Variants in TIGD6 observed in about 807,000 individuals in gnomAD.
The protein encoded by TIGD6 is tigger transposable element-derived protein 6.
TIGD6 carries 1 observed loss-of-function variant against 2.6 expected under a neutral mutation model. That is an observed-to-expected ratio of 0.39 (90% CI 0.14 to 1.85). TIGD6 has a LOEUF of 1.85. Ranked by LOEUF, TIGD6 falls within the 40% of genes most tolerant of loss-of-function variation. The probability of loss-of-function intolerance (pLI) is 0.32; values close to 1 mark genes in which losing one functional copy is unlikely to be tolerated. For missense variants in TIGD6, 601 were observed against 634.2 expected, an observed-to-expected ratio of 0.95 and a Z score of 0.56; for synonymous variants, 193 against 221.9, an observed-to-expected ratio of 0.87 and a Z score of 1.16.
rs1481501989 is a variant in TIGD6 at position 149,995,340 on chromosome 5, T to C, written c.1009A>G (p.Lys337Glu). The C allele has an allele frequency of 1.9e-6, 3 of 1,614,070 alleles. No individual in the cohort carries two copies. Among genetic ancestry groups the C allele is most frequent in the Non-Finnish European group, 2.5e-6 (3 of 1,180,038 alleles). ...TCTTGATCCTCACTGCTGTTGAGCT[T>C]GAGGAGGATCTGTTTTAGAAGGTGG... ...QSHLLKQILL[K>E]LNSSEDQEEV... The change falls in exon 2 of 2, where the codon AAG (lysine) becomes GAG (glutamate). Residue 337 changes from lysine (K) to glutamate (E), a missense_variant. Coordinates refer to ENST00000296736, the MANE Select transcript of TIGD6 (RefSeq NM_030953.4).
Position 149,994,607 on chromosome 5 carries a change from A to G in TIGD6, c.*176T>C, listed in dbSNP as rs1046849977. On this transcript the variant is annotated 3_prime_UTR_variant, in exon 2 of 2. Coordinates refer to ENST00000296736, the MANE Select transcript of TIGD6 (RefSeq NM_030953.4). ...TGAATCAAGGACCAGAGACAGCCAA[A>G]AACAAAAGAAAAGAAAACACACATA... 4 of 605,078 alleles carry G rather than the reference A, an allele frequency of 6.6e-6. No individual in the cohort carries two copies. Among genetic ancestry groups the G allele is most frequent in the Non-Finnish European group, 1.0e-5 (4 of 390,006 alleles). The allele number at this position is 605,078 out of a possible 1,614,324, so 37.5% of individuals were successfully genotyped here. A position where few individuals can be genotyped will look rare whatever the true frequency, so the allele number is the denominator to read the frequency against.
At chr5:149,997,538 C>A (rs1460033730) in intron 1 of TIGD6, among the ~76,000 whole-genome samples, 1 of 150,900 alleles carries the variant, frequency 6.6e-6, no homozygotes, top group Non-Finnish European at 1.5e-5. Flanking sequence ...GACTCTGTCT[C>A]AAAAACAACA....
Position 149,993,860 on chromosome 5 carries a change from C to A in TIGD6, c.*923G>T, listed in dbSNP as rs976694635. On this transcript the variant is annotated 3_prime_UTR_variant, in exon 2 of 2. Transcript: ENST00000296736. ...GTTAGAGAGAGTAGTGTGTTATAAT[C>A]ATGCCTGTGAATAACCACTGCATTC... 1 of 152,240 alleles carries A rather than the reference C, an allele frequency of 6.6e-6. No individual in the cohort carries two copies. The highest frequency in any genetic ancestry group is 1.5e-5 in the Non-Finnish European group (1 of 68,068). The allele number at this position is 152,240 out of a possible 1,614,324, so 9.4% of individuals were successfully genotyped here.
chr5:149,997,534 G>C (rs1006866702), intron 1 of TIGD6, among the ~76,000 whole-genome samples: 2 of 151,548 alleles, frequency 1.3e-5, no homozygotes, highest in East Asian at 1.9e-4. Flanking sequence ...GCAAGACTCT[G>C]TCTCAAAAAC....
In TIGD6 at chr5:149,993,366, CCAT is replaced by C. The variant is rs999977624; in HGVS notation, c.*1414_*1416del. The stretch of plus-strand genomic sequence containing the variant: ...AAGCAGGGGGAAAAATGACATCACA[CCAT>C]TAGCAGGTATTGTGTGAAACTTCTA... On this transcript the variant is annotated 3_prime_UTR_variant, in exon 2 of 2. Coordinates refer to ENST00000296736, the MANE Select transcript of TIGD6 (RefSeq NM_030953.4). 1 of 152,112 alleles carries C rather than the reference CCAT, an allele frequency of 6.6e-6. No individual in the cohort carries two copies. The allele number at this position is 152,112 out of a possible 1,614,324, so 9.4% of individuals were successfully genotyped here. A position where few individuals can be genotyped will look rare whatever the true frequency, so the allele number is the denominator to read the frequency against.
At position 149,996,398 on chromosome 5, in the gene TIGD6, C is replaced by T; in HGVS notation, c.-50G>A. 6.5e-7 allele frequency: 1 copy of T among 1,527,656 alleles called. No individual in the cohort carries two copies. The highest frequency in any genetic ancestry group is 8.8e-7 in the Non-Finnish European group (1 of 1,140,562). 94.6% of individuals were successfully genotyped at this position (1,527,656 alleles called of 1,614,324 possible). A position where few individuals can be genotyped will look rare whatever the true frequency, so the allele number is the denominator to read the frequency against. The stretch of plus-strand genomic sequence containing the variant: ...AACTAACAGGACTGTCTGGTTCCTC[C>T]TCGCGGCTTGCTTTGCCCCAAGTGT... On this transcript the variant is annotated 5_prime_UTR_variant, in exon 2 of 2. Coordinates refer to ENST00000296736, the MANE Select transcript of TIGD6 (RefSeq NM_030953.4).
chr5:149,995,708 A>C lies in TIGD6; in HGVS notation c.641T>G (p.Phe214Cys), dbSNP rs369863864. 5.0e-6 allele frequency: 8 copies of C among 1,614,088 alleles called. No homozygotes were observed. The Admixed American group carries it at 1.2e-4, about 24-fold the overall frequency. Residue 214 changes from phenylalanine to cysteine, a missense_variant, in exon 2 of 2, where the codon TTT becomes TGT. Transcript: ENST00000296736. ...TTCAGTCCCCGAGGCATTGCAACAAAAGAGTGCTGTCAACCGCTGCTTTGC... is the reference window on the plus strand; with the variant it reads ...TTCAGTCCCCGAGGCATTGCAACAACAGAGTGCTGTCAACCGCTGCTTTGC... The part of the protein sequence containing the change: ...KKAKQRLTAL[F>C]CCNASGTEKM...
Position 149,996,250 on chromosome 5 carries a change from C to T in TIGD6, c.99G>A (p.Val33=). 1 of 1,614,138 alleles carries T rather than the reference C, an allele frequency of 6.2e-7. No individual in the cohort carries two copies. The highest frequency in any genetic ancestry group is 1.1e-5 in the South Asian group (1 of 91,080). Residue 33 remains valine, a synonymous_variant, in exon 2 of 2, where the codon GTG becomes GTA. Transcript: ENST00000296736. ...AVDSGKRKGD[V]AKEFGITPST... ...AGGGAGTGATACCAAATTCTTTTGC[C>T]ACATCACCTTTCCTCTTGCCTGAGT...
rs577109117 is a variant in TIGD6 at position 149,996,394 on chromosome 5, C to T, written c.-46G>A. ...CCACAACTAACAGGACTGTCTGGTT[C>T]CTCCTCGCGGCTTGCTTTGCCCCAA... On this transcript the variant is annotated 5_prime_UTR_variant, in exon 2 of 2. Coordinates refer to ENST00000296736, the MANE Select transcript of TIGD6 (RefSeq NM_030953.4). 7.2e-6 allele frequency: 11 copies of T among 1,533,308 alleles called. No individual in the cohort carries two copies. In the African/African-American group the frequency reaches 1.2e-4, roughly 17 times the overall value. 95.0% of individuals were successfully genotyped at this position (1,533,308 alleles called of 1,614,324 possible).
At position 149,995,573 on chromosome 5, in the gene TIGD6, T is replaced by C. The variant is rs932410071; in HGVS notation, c.776A>G (p.Asp259Gly). The C allele has an allele frequency of 6.2e-7, 1 of 1,614,108 alleles. No individual in the cohort carries two copies. Among genetic ancestry groups the C allele is most frequent in the African/African-American group, 1.3e-5 (1 of 74,930 alleles). ...TTGCATCAGCCACTCATTAAACAGA[T>C]CCCTTGTCATCCAAGCCCACTGGTT... Reference protein sequence around the residue: ...RANQWAWMTRDLFNEWLMQVD... With the variant: ...RANQWAWMTRGLFNEWLMQVD... Residue 259 changes from aspartate to glycine, a missense_variant, in exon 2 of 2, where the codon GAT becomes GGT. Physicochemically the swap from Asp to Gly is moderately conservative, Grantham distance 94. Transcript: ENST00000296736.
rs1210549530 is a variant in TIGD6, at chr5:149,993,769, G to A, written c.*1014C>T. The A allele has an allele frequency of 2.6e-5, 4 of 152,184 alleles. No individual in the cohort carries two copies. Among genetic ancestry groups the A allele is most frequent in the East Asian group, 3.8e-4 (2 of 5,198 alleles). 9.4% of individuals were successfully genotyped at this position (152,184 alleles called of 1,614,324 possible). On this transcript the variant is annotated 3_prime_UTR_variant, in exon 2 of 2. Transcript: ENST00000296736. Reference sequence around the variant, plus strand: ...AGTGAAATGCCTATTAAAACATTTCGTAAGGCCAGCATGGCAGTGTGCATC... The same window carrying A: ...AGTGAAATGCCTATTAAAACATTTCATAAGGCCAGCATGGCAGTGTGCATC...
rs372727399 is a variant in TIGD6, at chr5:149,998,195, G to A, written c.-81-1766C>T. Among the ~76,000 whole-genome samples, 194 of 152,282 alleles carry A rather than the reference G, an allele frequency of 1.3e-3. 2 individuals are homozygous for A. In the South Asian group the frequency reaches 0.035, roughly 27 times the overall value. On this transcript the variant is annotated intron_variant, in intron 1 of 1. Coordinates refer to ENST00000296736, the MANE Select transcript of TIGD6 (RefSeq NM_030953.4). The stretch of plus-strand genomic sequence containing the variant: ...ATTTTGAGTGCAACAGAAATCCACG[G>A]ATGTTTTCAGGCATTTTAAAAGGAT...
intron 1 of TIGD6, 58 bp from the exon 2 acceptor site, chr5:149,996,487 T>A: frequency 7.9e-7 from 1 of 1,259,788 alleles, no homozygotes. Flanking sequence ...TAAAAGATGG[T>A]TCAGGATTTT....
Position 149,994,890 on chromosome 5 carries a change from G to C in TIGD6, c.1459C>G (p.Pro487Ala), listed in dbSNP as rs1031113554. The C allele has an allele frequency of 1.2e-6, 2 of 1,610,770 alleles. No homozygotes were observed. The highest frequency in any genetic ancestry group is 1.1e-5 in the South Asian group (1 of 90,668). Reference sequence around the variant, plus strand: ...TTTAATTGTCCAAAAATGGCATCAGGAATGTCTACACAAGTGGAAAGGAAC... The same window carrying C: ...TTTAATTGTCCAAAAATGGCATCAGCAATGTCTACACAAGTGGAAAGGAAC... The part of the protein sequence containing the change: ...RQFLSTCVDI[P>A]DAIFGQLNGI... Residue 487 changes from proline (P) to alanine (A), a missense_variant, in exon 2 of 2, where the codon CCT becomes GCT. Coordinates refer to ENST00000296736, the MANE Select transcript of TIGD6 (RefSeq NM_030953.4).
At chr5:149,999,328 T>C (rs1755479233) in intron 1 of TIGD6, among the ~76,000 whole-genome samples, 1 of 152,202 alleles carries the variant, frequency 6.6e-6, no homozygotes, top group East Asian at 1.9e-4. Flanking sequence ...CAGTAGGCCA[T>C]ATACAGTTTG....
At chr5:149,997,967 A>T (rs1402177324) in intron 1 of TIGD6, among the ~76,000 whole-genome samples, 9 of 151,690 alleles carry the variant, frequency 5.9e-5, no homozygotes, top group African/African-American at 1.9e-4. Flanking sequence ...TCTCAAAAAA[A>T]AATAAATAAA....
rs1755321509 is a variant in TIGD6, at chr5:149,994,135, C to G, written c.*648G>C. 6.6e-6 allele frequency: 1 copy of G among 152,198 alleles called. No individual in the cohort carries two copies. The highest frequency in any genetic ancestry group is 2.4e-5 in the African/African-American group (1 of 41,414). The allele number at this position is 152,198 out of a possible 1,614,324, so 9.4% of individuals were successfully genotyped here. ...TATTTAAATTGGCTCAATATCCTAT[C>G]TAAAGCTAGACCAGTGGTTTTCAAA... On this transcript the variant is annotated 3_prime_UTR_variant, in exon 2 of 2. Transcript: ENST00000296736.
chr5:149,999,480 G>A (rs966526500), intron 1 of TIGD6, among the ~76,000 whole-genome samples: 2 of 152,090 alleles, frequency 1.3e-5, no homozygotes, highest in African/African-American at 4.8e-5. Context: ...AGTAGTAATA[G>A]AGAGATGGTG....
In TIGD6 at chr5:149,996,218, A is replaced by T; in HGVS notation, c.131T>A (p.Leu44Ter). The T allele has an allele frequency of 6.2e-7, 1 of 1,614,222 alleles. No individual in the cohort carries two copies. Among genetic ancestry groups the T allele is most frequent in the Non-Finnish European group, 8.5e-7 (1 of 1,180,038 alleles). Reference protein sequence around the residue: ...AKEFGITPSTLSTFLKDRTKF... With the variant: ...AKEFGITPST ...GGTGCGATCCTTTAAGAATGTAGAT[A>T]AAGTAGAGGGAGTGATACCAAATTC... is the stretch of plus-strand genomic sequence containing the variant. The change falls in exon 2 of 2, where the codon TTA becomes TAA. Residue 44 changes from leucine (L) to a stop codon, truncating the protein, a stop_gained. Transcript: ENST00000296736. LOFTEE classifies it high-confidence loss of function.
Sources: gnomAD v4.1 joint callset for allele counts (sites outside exome capture counted in the v4.1 genomes callset) on GRCh38, gnomAD v4.1.1 for gene constraint, MANE v1.5 for transcripts, NCBI Gene and HGNC (gene_info 2026-07-23, HGNC 2026-07-21) for gene names.